Variants in MYO1E observed in about 807,000 individuals in gnomAD.
The protein encoded by MYO1E is myosin IE.
In MYO1E, 68 loss-of-function variants were observed where a neutral mutation model predicts 151.1. The observed-to-expected ratio is 0.45, with a 90% CI of 0.37 to 0.55. The LOEUF is 0.55. MYO1E is among the 20% of genes least tolerant of loss of function. The probability of loss-of-function intolerance (pLI) is 0.00; values close to 1 mark genes in which losing one functional copy is unlikely to be tolerated. For missense variants in MYO1E, 1,363 were observed against 1,389.3 expected (o/e 0.98, Z 0.30); for synonymous variants, 601 against 501.7 (o/e 1.20, Z -2.64).
intron 18 of MYO1E, among the ~76,000 whole-genome samples, chr15:59,179,270 GCT>G (rs2079644413): frequency 6.6e-6 from 1 of 152,000 alleles, no homozygotes; most frequent in Non-Finnish European, 1.5e-5. Flanking sequence ...ATCAAAAACT[GCT>G]CTCTTGTTAG....
rs554318641 is a variant in MYO1E, at chr15:59,267,112, G to A, written c.147+5194C>T. ...GCAATCTCGGCTCACTGCAACCTCC[G>A]CCTCCCGGGTTCAAGCAATTCTCCT... On this transcript the variant is annotated intron_variant, in intron 2 of 27. Coordinates refer to ENST00000288235, the MANE Select transcript of MYO1E (RefSeq NM_004998.4). Among the ~76,000 whole-genome samples, 82 of 123,268 alleles carry A rather than the reference G, an allele frequency of 6.7e-4. 2 individuals carry two copies. The highest frequency in any genetic ancestry group is 2.5e-3 in the South Asian group (9 of 3,556). The allele number at this position is 123,268 out of a possible 152,430, so 80.9% of individuals were successfully genotyped here. A position where few individuals can be genotyped will look rare whatever the true frequency, so the allele number is the denominator to read the frequency against.
At chr15:59,362,690 C>G (rs1359725153) in intron 1 of MYO1E, among the ~76,000 whole-genome samples, 2 of 152,150 alleles carry the variant, frequency 1.3e-5, no homozygotes, top group African/African-American at 4.8e-5. Flanking sequence ...TCCTAGGACA[C>G]CAAAAACAGC....
At chr15:59,262,964 G>A (rs1181474236) in intron 2 of MYO1E, among the ~76,000 whole-genome samples, 1 of 151,872 alleles carries the variant, frequency 6.6e-6, no homozygotes, top group African/African-American at 2.4e-5. Flanking sequence ...AAAATAAATA[G>A]AATATATATA....
intron 4 of MYO1E, among the ~76,000 whole-genome samples, chr15:59,255,374 G>C (rs533475523): frequency 6.6e-6 from 1 of 152,050 alleles, no homozygotes; most frequent in African/African-American, 2.4e-5. Flanking sequence ...CACCCCAACT[G>C]GAGTTAGTAA....
chr15:59,150,966 C>G (rs1394895903), intron 26 of MYO1E, among the ~76,000 whole-genome samples: 1 of 141,742 alleles, frequency 7.1e-6, no homozygotes, highest in Non-Finnish European at 1.6e-5. Context: ...TGGGATATAG[C>G]TACTTACCCA....
At chr15:59,293,038 G>A (rs575199225) in intron 1 of MYO1E, among the ~76,000 whole-genome samples, 2 of 152,300 alleles carry the variant, frequency 1.3e-5, no homozygotes, top group South Asian at 2.1e-4. Flanking sequence ...GCACAGGGAG[G>A]CATGGGGGTA....
At position 59,158,286 on chromosome 15, in the gene MYO1E, C is replaced by T; in HGVS notation, c.2878+1G>A. ...CAGACTACGGTACGTAGCTGGCTTA[C>T]CTGGGGGAGGAGGGGCAGCTCTCAC... is the stretch of plus-strand genomic sequence containing the variant. On this transcript the variant is annotated splice_donor_variant, in intron 25 of 27. Transcript: ENST00000288235. LOFTEE classifies it high-confidence loss of function. The T allele has an allele frequency of 3.2e-6, 5 of 1,565,528 alleles. No individual in the cohort carries two copies. The highest frequency in any genetic ancestry group is 4.3e-6 in the Non-Finnish European group (5 of 1,151,882).
In MYO1E at chr15:59,150,183, CTAAT is replaced by C. The variant is rs560431335; in HGVS notation, c.3080+3403_3080+3406del. On this transcript the variant is annotated intron_variant, in intron 26 of 27. Coordinates refer to ENST00000288235, the MANE Select transcript of MYO1E (RefSeq NM_004998.4). The stretch of plus-strand genomic sequence containing the variant: ...GGCTGGCTAAGACACAGTGTGCCTA[CTAAT>C]TGTGTTTTACATACAAGGAAATCTT... 3.3e-5 allele frequency among the ~76,000 whole-genome samples: 5 copies of C among 152,340 alleles called. No homozygotes were observed. The East Asian group carries it at 9.6e-4, about 29-fold the overall frequency.
At position 59,218,194 on chromosome 15, in the gene MYO1E, T is replaced by C. The variant is rs116611542; in HGVS notation, c.911-107A>G. ...ATGTGCACATGCACGTGTGTGTGCA[T>C]AGAAGGCACAATCACGGGCCCCAAG... is the stretch of plus-strand genomic sequence containing the variant. On this transcript the variant is annotated intron_variant, in intron 9 of 27. Coordinates refer to ENST00000288235, the MANE Select transcript of MYO1E (RefSeq NM_004998.4). 6.3e-4 allele frequency: 851 copies of C among 1,344,948 alleles called. 4 individuals are homozygous for C. The African/African-American group carries it at 9.9e-3, about 16-fold the overall frequency. 83.3% of individuals were successfully genotyped at this position (1,344,948 alleles called of 1,614,324 possible).
chr15:59,219,794 T>G (rs199952936), intron 9 of MYO1E, among the ~76,000 whole-genome samples: 1 of 152,138 alleles, frequency 6.6e-6, no homozygotes, highest in African/African-American at 2.4e-5. Flanking sequence ...GAACATTTCT[T>G]TTGATTGAGC....
At position 59,350,953 on chromosome 15, in the gene MYO1E, G is replaced by A. The variant is rs575067342; in HGVS notation, c.3+21545C>T. 6.6e-6 allele frequency among the ~76,000 whole-genome samples: 1 copy of A among 152,224 alleles called. No homozygotes were observed. The highest frequency in any genetic ancestry group is 2.4e-5 in the African/African-American group (1 of 41,454). On this transcript the variant is annotated intron_variant, in intron 1 of 27. Coordinates refer to ENST00000288235, the MANE Select transcript of MYO1E (RefSeq NM_004998.4). This position sits in a 1 kb window ranked among gnomAD's most constrained non-coding sequence, Gnocchi z 5.0. ...GCTCTGTCACCCAGGCTGGCGTGCA[G>A]TGGCGCGATCTCGGCTCAATGCAAG...
At chr15:59,264,109 A>G (rs1376506173) in intron 2 of MYO1E, among the ~76,000 whole-genome samples, 2 of 152,224 alleles carry the variant, frequency 1.3e-5, no homozygotes, top group South Asian at 2.1e-4. Context: ...CGTTTGCATT[A>G]CACTCACCAC....
At position 59,136,457 on chromosome 15, in the gene MYO1E, G is replaced by A. The variant is rs574827877; in HGVS notation, c.*923C>T. 207 of 284,062 alleles carry A rather than the reference G, an allele frequency of 7.3e-4. No homozygotes were observed. The highest frequency in any genetic ancestry group is 4.2e-3 in the African/African-American group (195 of 45,956). 17.6% of individuals were successfully genotyped at this position (284,062 alleles called of 1,614,324 possible). Reference sequence around the variant, plus strand: ...GAGTTGAGAAGAGTCTGCAGGGACTGACCTAGAAAGCAGTGACACTCCGTA... The same window carrying A: ...GAGTTGAGAAGAGTCTGCAGGGACTAACCTAGAAAGCAGTGACACTCCGTA... On this transcript the variant is annotated 3_prime_UTR_variant, in exon 28 of 28. Transcript: ENST00000288235.
chr15:59,149,240 T>G (rs1171203058), intron 26 of MYO1E, among the ~76,000 whole-genome samples: 1 of 152,046 alleles, frequency 6.6e-6, no homozygotes, highest in Non-Finnish European at 1.5e-5. Flanking sequence ...GTGTTTTTAG[T>G]GGAGACGGGG....
At chr15:59,278,284 T>C (rs1194914882) in intron 1 of MYO1E, among the ~76,000 whole-genome samples, 4 of 152,220 alleles carry the variant, frequency 2.6e-5, no homozygotes, top group Admixed American at 1.3e-4. Context: ...TAGATCACCC[T>C]GAGAAGCAGA....
chr15:59,310,054 C>T (rs576839073), intron 1 of MYO1E, among the ~76,000 whole-genome samples: 29 of 152,318 alleles, frequency 1.9e-4, no homozygotes, highest in African/African-American at 7.0e-4. Flanking sequence ...AGCGCCCTAA[C>T]TCGTCTTTTT....
chr15:59,280,578 C>T (rs550832107), intron 1 of MYO1E, among the ~76,000 whole-genome samples: 5 of 148,912 alleles, frequency 3.4e-5, no homozygotes, highest in South Asian at 2.1e-4. Context: ...GCTGAGATCG[C>T]GCCATTGCAC....
chr15:59,270,877 A>G (rs1310984167), intron 2 of MYO1E: 1 of 152,088 alleles, frequency 6.6e-6, no homozygotes, highest in Non-Finnish European at 1.5e-5. Context: ...CCTGGTCTCA[A>G]ACTCCTGACC....
At chr15:59,143,226 G>A (rs1201822935) in intron 26 of MYO1E, among the ~76,000 whole-genome samples, 1 of 152,156 alleles carries the variant, frequency 6.6e-6, no homozygotes, top group African/African-American at 2.4e-5. Context: ...TAAGCCATTT[G>A]GCCCTTTATC....
Sources: gnomAD v4.1 joint callset for allele counts (sites outside exome capture counted in the v4.1 genomes callset) on GRCh38, gnomAD v4.1.1 for gene constraint, Gnocchi (gnomAD v3.1) non-coding constraint, MANE v1.5 for transcripts, NCBI Gene and HGNC (gene_info 2026-07-23, HGNC 2026-07-21) for gene names.